The following TCTN2 variants were observed in gnomAD, a reference collection of about 807,000 sequenced individuals.
TCTN2 encodes tectonic family member 2, also known as tectonic-2.
Under a neutral mutation model 83.4 loss-of-function variants are expected in TCTN2, and 66 were observed. That is an observed-to-expected ratio of 0.79 (90% CI 0.65 to 0.97). The LOEUF (loss-of-function observed/expected upper bound fraction) is 0.97. Among genes scored for constraint, TCTN2 ranks in the 50% least tolerant of loss-of-function variants. The pLI, the probability that TCTN2 is intolerant of heterozygous loss-of-function variation, is 0.00. For missense variants in TCTN2, 794 were observed against 858.1 expected (o/e 0.93, Z 0.93); for synonymous variants, 301 against 326.7 (o/e 0.92, Z 0.85).
rs1254862651 is a variant in TCTN2, at chr12:123,671,672, A to G, written c.190+58A>G. 5 of 1,503,258 alleles carry G rather than the reference A, an allele frequency of 3.3e-6. No homozygotes were observed. In the Admixed American group the frequency reaches 6.9e-5, roughly 21 times the overall value. 93.1% of individuals were successfully genotyped at this position (1,503,258 alleles called of 1,614,324 possible). On this transcript the variant is annotated intron_variant, in intron 2 of 17. Transcript: ENST00000303372. ...GGTTGGACTGGATCCAGACCTCCCA[A>G]GGAGCCTGGAGAGGTGGCATCCTTG...
At chr12:123,689,449 T>G (rs1396773151) in intron 7 of TCTN2, among the ~76,000 whole-genome samples, 1 of 152,176 alleles carries the variant, frequency 6.6e-6, no homozygotes, top group African/African-American at 2.4e-5. Flanking sequence ...GCCAAAGTGT[T>G]GGGATTACAG....
chr12:123,708,122 C>G lies in TCTN2; in HGVS notation c.*409C>G, dbSNP rs866900423. On this transcript the variant is annotated 3_prime_UTR_variant, in exon 18 of 18. Transcript: ENST00000303372. ...TCCCAAGCAATCCTCCCACCTCAGC[C>G]TCTGGTGTAGCTGGGACCACAGATG... 2 of 239,806 alleles carry G rather than the reference C, an allele frequency of 8.3e-6. No individual in the cohort carries two copies. The highest frequency in any genetic ancestry group is 1.1e-4 in the South Asian group (2 of 18,474). 14.9% of individuals were successfully genotyped at this position (239,806 alleles called of 1,614,324 possible). A position where few individuals can be genotyped will look rare whatever the true frequency, so the allele number is the denominator to read the frequency against.
intron 5 of TCTN2, among the ~76,000 whole-genome samples, chr12:123,680,668 C>T (rs1173417796): frequency 7.9e-5 from 12 of 151,398 alleles, no homozygotes; most frequent in African/African-American, 2.9e-4. Flanking sequence ...AGGTGTGCGC[C>T]ACCACACCTG....
chr12:123,686,492 A>G (rs1216457332), intron 5 of TCTN2, among the ~76,000 whole-genome samples: 1 of 152,218 alleles, frequency 6.6e-6, no homozygotes. Context: ...AATGACAATT[A>G]AGAAAGGAGG....
At chr12:123,685,754 C>A (rs1487898020) in intron 5 of TCTN2, among the ~76,000 whole-genome samples, 2 of 117,266 alleles carry the variant, frequency 1.7e-5, no homozygotes, top group African/African-American at 3.3e-5. Context: ...GAAGCAGGGT[C>A]TTGTTCTGTT....
In TCTN2 at chr12:123,704,685, C is replaced by G; in HGVS notation, c.1766C>G (p.Thr589Arg). Residue 589 changes from threonine (T) to arginine (R), a missense_variant, in exon 15 of 18, where the codon ACA (threonine) becomes AGA (arginine). Physicochemically the swap from Thr to Arg is moderately conservative, Grantham distance 71. Transcript: ENST00000303372. ...ITQQEILGVE[T>R]RFSSVNWQYQ... ...CAGCAGGAGATACTCGGTGTAGAGA[C>G]AAGGTATGATCACATCTTGGATCAC... 6.2e-7 allele frequency: 1 copy of G among 1,613,218 alleles called. No homozygotes were observed. The highest frequency in any genetic ancestry group is 8.5e-7 in the Non-Finnish European group (1 of 1,179,854).
At position 123,707,874 on chromosome 12, in the gene TCTN2, C is replaced by G. The variant is rs1017185343; in HGVS notation, c.*161C>G. 1.7e-5 allele frequency: 11 copies of G among 653,848 alleles called. No individual in the cohort carries two copies. Among genetic ancestry groups the G allele is most frequent in the Non-Finnish European group, 2.8e-5 (10 of 363,612 alleles). The allele number at this position is 653,848 out of a possible 1,614,324, so 40.5% of individuals were successfully genotyped here. A position where few individuals can be genotyped will look rare whatever the true frequency, so the allele number is the denominator to read the frequency against. On this transcript the variant is annotated 3_prime_UTR_variant, in exon 18 of 18. Coordinates refer to ENST00000303372, the MANE Select transcript of TCTN2 (RefSeq NM_024809.5). ...TACAGGCATGCACCACCACGCCCGGCTAATTTTGTATTTTTAGTAGAGACA... is the reference window on the plus strand; with the variant it reads ...TACAGGCATGCACCACCACGCCCGGGTAATTTTGTATTTTTAGTAGAGACA...
intron 4 of TCTN2, among the ~76,000 whole-genome samples, 196 bp downstream of exon 4, chr12:123,674,006 C>A (rs961743806): frequency 6.6e-6 from 1 of 152,014 alleles, no homozygotes; most frequent in African/African-American, 2.4e-5. Flanking sequence ...TCAAAAAAAA[C>A]CAAAAACAAA....
intron 14 of TCTN2, among the ~76,000 whole-genome samples, chr12:123,701,445 G>A (rs1956170704): frequency 6.6e-6 from 1 of 152,018 alleles, no homozygotes; most frequent in Non-Finnish European, 1.5e-5. Context: ...AGTAATTAAG[G>A]TGCAACAGAT....
intron 4 of TCTN2, among the ~76,000 whole-genome samples, chr12:123,676,927 C>T (rs1955830505): frequency 1.3e-5 from 2 of 152,140 alleles, no homozygotes; most frequent in African/African-American, 4.8e-5. Flanking sequence ...CCTGTAATTC[C>T]AGCACTTTGG....
At chr12:123,679,897 G>A (rs558826540) in intron 5 of TCTN2, among the ~76,000 whole-genome samples, 1 of 150,954 alleles carries the variant, frequency 6.6e-6, no homozygotes, top group East Asian at 2.0e-4. Flanking sequence ...CCACCACCAC[G>A]CCCAGCTAAT....
chr12:123,685,141 C>T (rs1484642252), intron 5 of TCTN2, among the ~76,000 whole-genome samples: 6 of 152,048 alleles, frequency 3.9e-5, no homozygotes, highest in Admixed American at 3.9e-4. Context: ...TCCTTCCAGG[C>T]CACGCTGTGT....
chr12:123,674,515 G>A (rs796180372), intron 4 of TCTN2, among the ~76,000 whole-genome samples: 22 of 152,292 alleles, frequency 1.4e-4, no homozygotes, highest in African/African-American at 5.1e-4. Flanking sequence ...TGATCCGCCT[G>A]CCTCGGCCTC....
Position 123,707,735 on chromosome 12 carries a change from T to TA in TCTN2, c.*22_*23insA, listed in dbSNP as rs1435206102. 2 of 1,591,490 alleles carry TA rather than the reference T, an allele frequency of 1.3e-6. No homozygotes were observed. The highest frequency in any genetic ancestry group is 1.7e-6 in the Non-Finnish European group (2 of 1,159,620). ...TTAGACAACCACCTGGCTTTTATTT[T>TA]TTTGAGATGGAGTTTTGCTCTTGTT... On this transcript the variant is annotated 3_prime_UTR_variant, in exon 18 of 18. Coordinates refer to ENST00000303372, the MANE Select transcript of TCTN2 (RefSeq NM_024809.5).
intron 5 of TCTN2, among the ~76,000 whole-genome samples, chr12:123,685,207 T>G (rs961400858): frequency 6.6e-6 from 1 of 152,160 alleles, no homozygotes; most frequent in Non-Finnish European, 1.5e-5. Context: ...TACCAGCCCC[T>G]GACGTCCTTT....
chr12:123,673,864 A>C, intron 4 of TCTN2, 54 bp downstream of exon 4: 1 of 1,555,568 alleles, frequency 6.4e-7, no homozygotes, highest in Non-Finnish European at 8.9e-7. Flanking sequence ...GCTACTTAGG[A>C]GGAAGAGGTA....
chr12:123,679,345 G>A, intron 5 of TCTN2, 56 bp downstream of exon 5: 4 of 1,450,908 alleles, frequency 2.8e-6, no homozygotes, highest in Admixed American at 1.7e-5. Flanking sequence ...AACACCAGCA[G>A]TTCCACCAAC....
chr12:123,683,661 C>T (rs370683014), intron 5 of TCTN2, among the ~76,000 whole-genome samples: 17 of 151,992 alleles, frequency 1.1e-4, no homozygotes, highest in African/African-American at 9.7e-5. Context: ...TTTTTTGAGA[C>T]GGAGCCTCGC....
At position 123,671,335 on chromosome 12, in the gene TCTN2, C is replaced by G; in HGVS notation, c.82+13C>G. 6.2e-7 allele frequency: 1 copy of G among 1,613,180 alleles called. No homozygotes were observed. The highest frequency in any genetic ancestry group is 8.5e-7 in the Non-Finnish European group (1 of 1,179,606). ...TGGGGGGACCTGGGTGTGTACGGCG[C>G]GGCAGTGACCTCGGTGGGCCGGGGC... is the stretch of plus-strand genomic sequence containing the variant. On this transcript the variant is annotated intron_variant, in intron 1 of 17. Transcript: ENST00000303372.
Sources: allele counts gnomAD v4.1 joint callset (sites outside exome capture counted in the v4.1 genomes callset), GRCh38; gene constraint gnomAD v4.1.1; transcripts MANE v1.5; gene names NCBI Gene and HGNC (gene_info 2026-07-23, HGNC 2026-07-21).